The following SUMF1 variants were observed in gnomAD, a reference collection of about 807,000 sequenced individuals.
SUMF1 encodes the protein formylglycine-generating enzyme.
In SUMF1, 48 loss-of-function variants were observed where a neutral mutation model predicts 47.6. The ratio of observed to expected loss-of-function variants is 1.01; its 90% CI spans 0.80 to 1.28. The LOEUF (loss-of-function observed/expected upper bound fraction) is 1.28, where lower values mean the gene tolerates loss of function less well. Among genes scored for constraint, SUMF1 ranks in the 50% most tolerant of loss-of-function variants. The probability of loss-of-function intolerance (pLI) is 0.00; values close to 1 mark genes in which losing one functional copy is unlikely to be tolerated. For synonymous variants in SUMF1, 230 were observed against 192.1 expected (o/e 1.20, Z -1.63); for missense variants, 571 against 485.4 (o/e 1.18, Z -1.66).
chr3:4,297,030 C>T (rs534555384), intron 8 of SUMF1, among the ~76,000 whole-genome samples: 8 of 152,214 alleles, frequency 5.3e-5, no homozygotes, highest in African/African-American at 1.9e-4. Context: ...CATCTATATA[C>T]CAAATAAACC....
intron 8 of SUMF1, among the ~76,000 whole-genome samples, chr3:4,272,744 G>A (rs146466367): frequency 5.3e-5 from 8 of 152,196 alleles, no homozygotes; most frequent in East Asian, 1.9e-4. Flanking sequence ...ATGCAGCCAC[G>A]GTGGAAAGCA....
intron 8 of SUMF1, among the ~76,000 whole-genome samples, chr3:4,111,453 C>T (rs1005896113): frequency 1.3e-5 from 2 of 152,044 alleles, no homozygotes; most frequent in Admixed American, 1.3e-4. Flanking sequence ...GGCGCAGTGA[C>T]TCACGCCTGT....
chr3:4,258,595 C>T (rs312094), intron 8 of SUMF1, among the ~76,000 whole-genome samples: 2 of 152,100 alleles, frequency 1.3e-5, no homozygotes, highest in African/African-American at 2.4e-5. Flanking sequence ...ATGGCAATCA[C>T]TAAAAAATCA....
At chr3:4,163,364 A>G (rs1421365938) in intron 8 of SUMF1, among the ~76,000 whole-genome samples, 3 of 13,530 alleles carry the variant, frequency 2.2e-4, no homozygotes, top group African/African-American at 9.3e-4. Context: ...GAGAGAGAGA[A>G]AGGAAGGAAG....
At chr3:4,248,099 A>T (rs1411790561) in intron 8 of SUMF1, among the ~76,000 whole-genome samples, 1 of 152,214 alleles carries the variant, frequency 6.6e-6, no homozygotes, top group Non-Finnish European at 1.5e-5. Flanking sequence ...ATTTAATGGG[A>T]TAATATTTTA....
At chr3:4,325,463 A>G (rs1217646607) in intron 8 of SUMF1, among the ~76,000 whole-genome samples, 5 of 152,248 alleles carry the variant, frequency 3.3e-5, no homozygotes, top group Non-Finnish European at 5.9e-5. Context: ...TGGAAAACCA[A>G]TTCAGCCTGT....
chr3:4,138,794 A>C (rs1333916109), intron 8 of SUMF1, among the ~76,000 whole-genome samples: 1 of 152,100 alleles, frequency 6.6e-6, no homozygotes, highest in East Asian at 1.9e-4. Context: ...TAGCGAGTAT[A>C]GCACTTTCCT....
intron 7 of SUMF1, among the ~76,000 whole-genome samples, chr3:4,380,059 A>C (rs1700454390): frequency 6.6e-6 from 1 of 152,172 alleles, no homozygotes; most frequent in Non-Finnish European, 1.5e-5. Context: ...TAAACACCTC[A>C]TCTGTTTGCC....
chr3:4,278,570 C>T (rs936114656), intron 8 of SUMF1, among the ~76,000 whole-genome samples: 15 of 152,054 alleles, frequency 9.9e-5, no homozygotes, highest in Non-Finnish European at 1.9e-4. Context: ...CAATCAAATA[C>T]GTCTATGAGA....
intron 8 of SUMF1, chr3:4,317,477 G>T (rs1051896619): frequency 4.4e-6 from 2 of 452,364 alleles, no homozygotes; most frequent in Non-Finnish European, 8.0e-6. Flanking sequence ...GAGTCCAATT[G>T]TTCAGGACCA....
intron 8 of SUMF1, among the ~76,000 whole-genome samples, chr3:4,294,844 G>A (rs1324062747): frequency 1.3e-5 from 2 of 152,000 alleles, no homozygotes; most frequent in South Asian, 2.1e-4. Context: ...AGGCACTGTA[G>A]TCAGACACTG....
intron 3 of SUMF1, among the ~76,000 whole-genome samples, chr3:4,428,698 T>C (rs1234524368): frequency 4.4e-5 from 5 of 113,064 alleles, no homozygotes; most frequent in Admixed American, 1.1e-4. Flanking sequence ...GAACATATTT[T>C]TTATTCATAT....
intron 1 of SUMF1, among the ~76,000 whole-genome samples, chr3:4,460,215 C>T (rs941940290): frequency 2.0e-5 from 3 of 152,086 alleles, no homozygotes; most frequent in Non-Finnish European, 2.9e-5. Flanking sequence ...CAGAACATAG[C>T]TCTGAGGAAA....
chr3:4,094,268 C>G (rs1056572878), intron 8 of SUMF1, among the ~76,000 whole-genome samples: 1 of 151,942 alleles, frequency 6.6e-6, no homozygotes, highest in Non-Finnish European at 1.5e-5. Flanking sequence ...ACTCCTTCAA[C>G]AAGTATTTAT....
rs11555132 is a variant in SUMF1 at position 4,467,009 on chromosome 3, G to A, written c.237C>T (p.Pro79=). Residue 79 remains proline, a synonymous_variant, in exon 1 of 9, where the codon CCC becomes CCT. Transcript: ENST00000272902. ...RYSREANAPG[P]VPGERQLAHS... ...GCGCGAGTTGCCGCTCTCCGGGTAC[G>A]GGGCCCGGAGCGTTAGCCTCCCGCG... 1.9e-6 allele frequency: 3 copies of A among 1,595,124 alleles called. No individual in the cohort carries two copies. Among genetic ancestry groups the A allele is most frequent in the African/African-American group, 2.7e-5 (2 of 74,576 alleles).
intron 3 of SUMF1, among the ~76,000 whole-genome samples, chr3:4,447,308 G>A (rs1702814248): frequency 6.6e-6 from 1 of 152,130 alleles, no homozygotes; most frequent in African/African-American, 2.4e-5. Flanking sequence ...GGTAGCCTGA[G>A]GACACTTCCA....
chr3:4,284,094 G>C (rs183033814), intron 8 of SUMF1, among the ~76,000 whole-genome samples: 1 of 152,212 alleles, frequency 6.6e-6, no homozygotes, highest in African/African-American at 2.4e-5. Flanking sequence ...AAATATCAAG[G>C]AGGAGCTAAG....
At chr3:4,160,123 T>C (rs1336181901) in intron 8 of SUMF1, among the ~76,000 whole-genome samples, 1 of 152,174 alleles carries the variant, frequency 6.6e-6, no homozygotes, top group African/African-American at 2.4e-5. Flanking sequence ...CTCTCTGTTA[T>C]CACTGCTTCA....
intron 8 of SUMF1, among the ~76,000 whole-genome samples, chr3:4,164,962 G>A (rs2125117599): frequency 6.6e-6 from 1 of 152,112 alleles, no homozygotes; most frequent in South Asian, 2.1e-4. Flanking sequence ...ATAATTCATG[G>A]GCTTTTTCCT....
Sources: gnomAD v4.1 joint callset for allele counts (sites outside exome capture counted in the v4.1 genomes callset) on GRCh38, gnomAD v4.1.1 for gene constraint, MANE v1.5 for transcripts, NCBI Gene and HGNC (gene_info 2026-07-23, HGNC 2026-07-21) for gene names.